The following TET3 variants were observed in gnomAD, a reference collection of about 807,000 sequenced individuals.
TET3 encodes the protein methylcytosine dioxygenase TET3.
A neutral mutation model predicts 141.4 loss-of-function variants in TET3; 19 were observed. That is an observed-to-expected ratio of 0.13 (90% CI 0.09 to 0.20). The LOEUF (loss-of-function observed/expected upper bound fraction) is 0.20. Among genes scored for constraint, TET3 ranks in the 10% least tolerant of loss-of-function variants. The pLI is 1.00. For missense variants in TET3, 1,874 were observed against 2,356.9 expected, an observed-to-expected ratio of 0.80 and a Z score of 4.24; for synonymous variants, 1,043 against 980.9, an observed-to-expected ratio of 1.06 and a Z score of -1.18.
chr2:73,999,382 TAAA>T lies in TET3; in HGVS notation c.304-3724_304-3722del, dbSNP rs941778236. Among the ~76,000 whole-genome samples, 3 of 152,160 alleles carry T rather than the reference TAAA, an allele frequency of 2.0e-5. No homozygotes were observed. The East Asian group carries it at 5.8e-4, about 29-fold the overall frequency. On this transcript the variant is annotated intron_variant, in intron 2 of 11. Coordinates refer to ENST00000409262, the MANE Select transcript of TET3 (RefSeq NM_001287491.2). ...TGTCTCATTGGTTTGTTTAGAGAGT[TAAA>T]AAAGATACAGTATATCATGCTCTAT... is the stretch of plus-strand genomic sequence containing the variant.
chr2:74,120,513 C>G, the TET3 span, among the ~76,000 whole-genome samples: 1 of 152,246 alleles, frequency 6.6e-6, no homozygotes, highest in Non-Finnish European at 1.5e-5. Flanking sequence ...TTCAAGTACC[C>G]AAGGCAGGCG....
At position 73,986,170 on chromosome 2, in the gene TET3, C is replaced by G. The variant is rs1684017949; in HGVS notation, c.-234C>G. Reference sequence around the variant, plus strand: ...CTGCTGCTGGTGTCCTCCCCCAGATCCTGGGCCCCAGCAGGTGGGAGAGTG... The same window carrying G: ...CTGCTGCTGGTGTCCTCCCCCAGATGCTGGGCCCCAGCAGGTGGGAGAGTG... On this transcript the variant is annotated 5_prime_UTR_variant, in exon 2 of 12. It adds an upstream start codon to the 5' untranslated region. Transcript: ENST00000409262. 1 of 371,974 alleles carries G rather than the reference C, an allele frequency of 2.7e-6. No individual in the cohort carries two copies. The highest frequency in any genetic ancestry group is 4.6e-5 in the Admixed American group (1 of 21,570). 23.0% of individuals were successfully genotyped at this position (371,974 alleles called of 1,614,324 possible). A position where few individuals can be genotyped will look rare whatever the true frequency, so the allele number is the denominator to read the frequency against.
intron 2 of TET3, among the ~76,000 whole-genome samples, chr2:74,000,987 G>A (rs557503706): frequency 6.6e-6 from 1 of 152,258 alleles, no homozygotes; most frequent in African/African-American, 2.4e-5. Flanking sequence ...GTAGGTGTGA[G>A]GGCAGGGGTT....
At chr2:74,134,207 G>A in the TET3 span, among the ~76,000 whole-genome samples, 13 of 152,230 alleles carry the variant, frequency 8.5e-5, no homozygotes, top group Admixed American at 1.3e-4. Flanking sequence ...TTTCCTCACC[G>A]TATCACCTGA....
In TET3 at chr2:74,102,820, G is replaced by A. The variant is rs907707818; in HGVS notation, c.*644G>A. On this transcript the variant is annotated 3_prime_UTR_variant, in exon 12 of 12. Coordinates refer to ENST00000409262, the MANE Select transcript of TET3 (RefSeq NM_001287491.2). ...GGAAGGGAGCCTCAGGACAGCTTCT[G>A]TCCTCTCTGATAGGATGGGAGAGTC... 6.6e-6 allele frequency: 1 copy of A among 152,166 alleles called. No homozygotes were observed. The highest frequency in any genetic ancestry group is 2.4e-5 in the African/African-American group (1 of 41,430). 9.4% of individuals were successfully genotyped at this position (152,166 alleles called of 1,614,324 possible).
rs757062741 is a variant in TET3 at position 74,048,175 on chromosome 2, C to T, written c.2258C>T (p.Ser753Phe). 1.1e-5 allele frequency: 18 copies of T among 1,612,292 alleles called. No homozygotes were observed. Among genetic ancestry groups the T allele is most frequent in the South Asian group, 4.4e-5 (4 of 90,872 alleles). The change falls in exon 4 of 12, where the codon TCC becomes TTC. Residue 753 changes from serine (S) to phenylalanine (F), a missense_variant. Around this residue, in one of 10 missense-constraint regions of TET3, gnomAD observed 83 missense variants for 107.0 expected, o/e 0.78. Coordinates refer to ENST00000409262, the MANE Select transcript of TET3 (RefSeq NM_001287491.2). ...PAPESPFATR[S>F]PKQIKIESSG... ...CCTGAGAGCCCCTTTGCTACCCGTT[C>T]CCCCAAGCAAATCAAGATTGAGTCT...
At chr2:74,050,643 G>A (rs1687895497) in intron 4 of TET3, among the ~76,000 whole-genome samples, 1 of 152,058 alleles carries the variant, frequency 6.6e-6, no homozygotes, top group Non-Finnish European at 1.5e-5. Flanking sequence ...TCCACTTCCT[G>A]GGCTCAAGCA....
At chr2:74,091,862 G>C (rs150428849) in intron 8 of TET3, among the ~76,000 whole-genome samples, 122 of 152,290 alleles carry the variant, frequency 8.0e-4, no homozygotes, top group African/African-American at 2.7e-3. Flanking sequence ...GTCACCAGGG[G>C]CTGCTGCTTC....
chr2:74,021,271 ACT>A (rs1686029170), intron 3 of TET3, among the ~76,000 whole-genome samples: 1 of 152,014 alleles, frequency 6.6e-6, no homozygotes, highest in Admixed American at 6.6e-5. Context: ...CTGAGCAGAG[ACT>A]CTGACAGATG....
rs1245034673 is a variant in TET3, at chr2:74,047,923, C to T, written c.2006C>T (p.Pro669Leu). Reference protein sequence around the residue: ...PPEPSLALFAPSPSRDSLLPP... With the variant: ...PPEPSLALFALSPSRDSLLPP... ...GAACCTTCTCTTGCGCTATTTGCAC[C>T]TAGTCCCTCCAGGGACAGCCTGCTG... The change falls in exon 4 of 12, where the codon CCT becomes CTT. Residue 669 changes from proline to leucine, a missense_variant. By Grantham distance (98) the Pro-to-Leu change is moderately conservative. Around this residue, in one of 10 missense-constraint regions of TET3, gnomAD observed 484 missense variants for 462.2 expected, o/e 1.05. Transcript: ENST00000409262. 6.2e-7 allele frequency: 1 copy of T among 1,613,618 alleles called. No homozygotes were observed. The highest frequency in any genetic ancestry group is 1.3e-5 in the African/African-American group (1 of 74,906).
chr2:74,059,432 T>C (rs1688385060), intron 4 of TET3, among the ~76,000 whole-genome samples: 1 of 152,182 alleles, frequency 6.6e-6, no homozygotes, highest in South Asian at 2.1e-4. Context: ...TTTGTATTTT[T>C]TTAGTAGAGA....
Position 74,043,875 on chromosome 2 carries a change from T to G in TET3, c.361-2403T>G, listed in dbSNP as rs1363950730. Among the ~76,000 whole-genome samples, 4 of 152,228 alleles carry G rather than the reference T, an allele frequency of 2.6e-5. No homozygotes were observed. The East Asian group carries it at 7.7e-4, about 29-fold the overall frequency. ...TTTTAGCCACCTACTTAAAACACTT[T>G]GAGGCCAGACACAGTGTCTCACACC... is the stretch of plus-strand genomic sequence containing the variant. On this transcript the variant is annotated intron_variant, in intron 3 of 11. Transcript: ENST00000409262.
At chr2:74,064,723 C>G (rs1688788178) in intron 4 of TET3, among the ~76,000 whole-genome samples, 1 of 152,024 alleles carries the variant, frequency 6.6e-6, no homozygotes, top group Non-Finnish European at 1.5e-5. Context: ...AATAAATATA[C>G]TGGAACGCTT....
chr2:74,066,201 A>AT (rs1413487142), intron 4 of TET3, among the ~76,000 whole-genome samples: 1 of 152,182 alleles, frequency 6.6e-6, no homozygotes, highest in Non-Finnish European at 1.5e-5. Flanking sequence ...ATTCAGACTT[A>AT]ACAGTACAGA....
chr2:74,087,003 C>T lies in TET3; in HGVS notation c.2680-827C>T, dbSNP rs1487901201. Among the ~76,000 whole-genome samples, 2 of 152,060 alleles carry T rather than the reference C, an allele frequency of 1.3e-5. No individual in the cohort carries two copies. The highest frequency in any genetic ancestry group is 4.8e-5 in the African/African-American group (2 of 41,388). ...CTCCCCTTTCCCAGGCCCTCGTAAG[C>T]TCTAATCTACTTTCTGTCTCTCTGA... On this transcript the variant is annotated intron_variant, in intron 6 of 11. Coordinates refer to ENST00000409262, the MANE Select transcript of TET3 (RefSeq NM_001287491.2). The surrounding 1 kb of genome is among the most constrained non-coding windows in gnomAD (Gnocchi z 4.3).
At chr2:74,123,894 G>A in the TET3 span, among the ~76,000 whole-genome samples, 23 of 150,408 alleles carry the variant, frequency 1.5e-4, no homozygotes, top group South Asian at 8.4e-4. Context: ...TGTGAGGAGC[G>A]CCTCTGCCAG....
the TET3 span, among the ~76,000 whole-genome samples, chr2:74,122,663 G>C: frequency 7.2e-6 from 1 of 139,760 alleles, no homozygotes; most frequent in Non-Finnish European, 1.5e-5. Flanking sequence ...AAAGGCATGT[G>C]CCACTACACC....
At chr2:74,128,227 T>C in the TET3 span, among the ~76,000 whole-genome samples, 1 of 152,176 alleles carries the variant, frequency 6.6e-6, no homozygotes, top group Non-Finnish European at 1.5e-5. Context: ...GATTATTTAA[T>C]GTTTGCCAAG....
intron 4 of TET3, among the ~76,000 whole-genome samples, chr2:74,070,452 C>A (rs374964072): frequency 2.5e-4 from 38 of 152,276 alleles, no homozygotes; most frequent in Non-Finnish European, 4.7e-4. Context: ...TCCCACAACA[C>A]GGAATTATGG....
Sources: allele counts gnomAD v4.1 joint callset (sites outside exome capture counted in the v4.1 genomes callset), GRCh38; gene constraint gnomAD v4.1.1; regional missense constraint gnomAD v4.1.1; non-coding constraint Gnocchi (gnomAD v3.1); transcripts MANE v1.5; gene names NCBI Gene and HGNC (gene_info 2026-07-23, HGNC 2026-07-21).